The following PNPLA7 variants were observed in gnomAD, a reference collection of about 807,000 sequenced individuals.
PNPLA7 encodes the protein patatin like domain 7, lysophospholipase.
Under a neutral mutation model 161.7 loss-of-function variants are expected in PNPLA7, and 153 were observed. The ratio of observed to expected loss-of-function variants is 0.95; its 90% CI spans 0.83 to 1.08. PNPLA7 has a LOEUF of 1.08. Among genes scored for constraint, PNPLA7 ranks in the 50% least tolerant of loss-of-function variants. The pLI is 0.00. For synonymous variants in PNPLA7, 809 were observed against 782.1 expected (o/e 1.03, Z -0.57); for missense variants, 1,739 against 1,856.6 (o/e 0.94, Z 1.16).
chr9:137,523,238 G>A lies in PNPLA7; in HGVS notation c.748-381C>T, dbSNP rs2132498989. On this transcript the variant is annotated intron_variant, in intron 8 of 34. Transcript: ENST00000406427. The surrounding 1 kb of genome is among the most constrained non-coding windows in gnomAD (Gnocchi z 4.4). The stretch of plus-strand genomic sequence containing the variant: ...CAGCGTCGGTACCCCTCGCCAAAGG[G>A]CGTGCCAGACACCAACCTGAGCGGG... 6.6e-6 allele frequency among the ~76,000 whole-genome samples: 1 copy of A among 152,258 alleles called. No homozygotes were observed. Among genetic ancestry groups the A allele is most frequent in the East Asian group, 1.9e-4 (1 of 5,172 alleles).
At position 137,504,212 on chromosome 9, in the gene PNPLA7, AT is replaced by A. The variant is rs909121407; in HGVS notation, c.1473+1401del. Among the ~76,000 whole-genome samples, 73 of 145,646 alleles carry A rather than the reference AT, an allele frequency of 5.0e-4. 1 individual carries two copies. Among genetic ancestry groups the A allele is most frequent in the East Asian group, 1.4e-3 (7 of 4,970 alleles). Reference sequence around the variant, plus strand: ...AAGAAGAAGAGGAAGAAGAAGAGAGATTTTTTTTTTTCCTTTGGGACAGAGT... The same window carrying A: ...AAGAAGAAGAGGAAGAAGAAGAGAGATTTTTTTTTTCCTTTGGGACAGAGT... On this transcript the variant is annotated intron_variant, in intron 14 of 34. Transcript: ENST00000406427.
intron 8 of PNPLA7, among the ~76,000 whole-genome samples, chr9:137,533,477 G>A (rs535603845): frequency 3.3e-4 from 48 of 145,774 alleles, no homozygotes; most frequent in African/African-American, 1.2e-3. Flanking sequence ...CCACAACAGT[G>A]TACACTCCAG....
intron 3 of PNPLA7, 86 bp from the exon 4 acceptor site, chr9:137,546,995 C>T (rs2132664174): frequency 1.5e-6 from 2 of 1,290,688 alleles, no homozygotes; most frequent in African/African-American, 1.5e-5. Flanking sequence ...GTCAGTCATA[C>T]TCTCGTCCCT....
At chr9:137,505,782 G>A (rs911100585) in intron 13 of PNPLA7, 22 bp from the exon 14 acceptor site, 5 of 1,612,204 alleles carry the variant, frequency 3.1e-6, no homozygotes, top group Middle Eastern at 1.6e-4. Context: ...CGGAGATACC[G>A]GCAATTCGAA....
At position 137,493,214 on chromosome 9, in the gene PNPLA7, C is replaced by G. The variant is rs1832865804; in HGVS notation, c.2128-132G>C. 3 of 912,422 alleles carry G rather than the reference C, an allele frequency of 3.3e-6. No individual in the cohort carries two copies. The African/African-American group carries it at 4.9e-5, about 15-fold the overall frequency. 56.5% of individuals were successfully genotyped at this position (912,422 alleles called of 1,614,324 possible). A position where few individuals can be genotyped will look rare whatever the true frequency, so the allele number is the denominator to read the frequency against. On this transcript the variant is annotated intron_variant, in intron 19 of 34. Coordinates refer to ENST00000406427, the MANE Select transcript of PNPLA7 (RefSeq NM_001098537.3). The stretch of plus-strand genomic sequence containing the variant: ...ATCTGCTTTTCAAAACCTCCATGAA[C>G]TGAGTTGCACATGACTCACAAGCCA...
In PNPLA7 at chr9:137,540,663, GA is replaced by G. The variant is rs758895773; in HGVS notation, c.725del (p.Leu242ProfsTer47). ...VLAGDSVHSLLSILDIITGHA... is the reference protein window; with the variant it reads ...VLAGDSVHSLXSILDIITGHA... ...TCACGGTGATGATGTCCAGGATGCT[GA>G]GCAGGCTGTGGACGCTGTCTCCCGC... On this transcript the variant is annotated frameshift_variant, in exon 8 of 35. Coordinates refer to ENST00000406427, the MANE Select transcript of PNPLA7 (RefSeq NM_001098537.3). LOFTEE classifies it high-confidence loss of function. The surrounding 1 kb of genome is among the most constrained non-coding windows in gnomAD (Gnocchi z 5.1). The G allele has an allele frequency of 6.2e-7, 1 of 1,612,098 alleles. No homozygotes were observed. Among genetic ancestry groups the G allele is most frequent in the Non-Finnish European group, 8.5e-7 (1 of 1,179,460 alleles).
chr9:137,490,648 CCTT>C lies in PNPLA7; in HGVS notation c.2197+2362_2197+2364del, dbSNP rs1467554653. 6.6e-6 allele frequency among the ~76,000 whole-genome samples: 1 copy of C among 152,192 alleles called. No individual in the cohort carries two copies. Among genetic ancestry groups the C allele is most frequent in the Non-Finnish European group, 1.5e-5 (1 of 68,040 alleles). On this transcript the variant is annotated intron_variant, in intron 20 of 34. Coordinates refer to ENST00000406427, the MANE Select transcript of PNPLA7 (RefSeq NM_001098537.3). This position sits in a 1 kb window ranked among gnomAD's most constrained non-coding sequence, Gnocchi z 4.1. ...AGCAAGCGGATCTGCAGCCATCAGA[CCTT>C]CTCTGAAAGAACCGCTAACCACAAT...
At position 137,522,295 on chromosome 9, in the gene PNPLA7, C is replaced by T. The variant is rs578000830; in HGVS notation, c.876+434G>A. Reference sequence around the variant, plus strand: ...TTCACCGTGTGAGCCAGGATGGTCTCGATCTCCTGACCTCGTGATCCGCCC... The same window carrying T: ...TTCACCGTGTGAGCCAGGATGGTCTTGATCTCCTGACCTCGTGATCCGCCC... On this transcript the variant is annotated intron_variant, in intron 9 of 34. Coordinates refer to ENST00000406427, the MANE Select transcript of PNPLA7 (RefSeq NM_001098537.3). Among the ~76,000 whole-genome samples, 205 of 150,016 alleles carry T rather than the reference C, an allele frequency of 1.4e-3. 1 individual carries two copies. The highest frequency in any genetic ancestry group is 3.4e-3 in the Middle Eastern group (1 of 294).
rs779027037 is a variant in PNPLA7 at position 137,543,499 on chromosome 9, G to A, written c.439C>T (p.Leu147Phe). Residue 147 changes from leucine (L) to phenylalanine (F), a missense_variant, in exon 6 of 35, where the codon CTC becomes TTC. Around this residue, in one of 6 missense-constraint regions of PNPLA7, gnomAD observed 209 missense variants for 252.8 expected, o/e 0.83. Coordinates refer to ENST00000406427, the MANE Select transcript of PNPLA7 (RefSeq NM_001098537.3). The surrounding 1 kb of genome is among the most constrained non-coding windows in gnomAD (Gnocchi z 6.9). ...GAATTCTTCACGTCAAACTCCGTGA[G>A]GTCGGCCTCCAGCAGGGAGGGCGGG... The part of the protein sequence containing the change: ...EPPPSLLEAD[L>F]TEFDVKNSHL... 6.2e-7 allele frequency: 1 copy of A among 1,613,996 alleles called. No homozygotes were observed.
chr9:137,518,511 CCCCCGT>C (rs1834776610), intron 11 of PNPLA7, among the ~76,000 whole-genome samples: 1 of 72,504 alleles, frequency 1.4e-5, no homozygotes, highest in Non-Finnish European at 2.9e-5. Flanking sequence ...TCCACTCCAT[CCCCCGT>C]CACTCACTCC....
Position 137,550,341 on chromosome 9 carries a change from T to C in PNPLA7, c.-144A>G, listed in dbSNP as rs1317622980. 1 of 904,776 alleles carries C rather than the reference T, an allele frequency of 1.1e-6. No individual in the cohort carries two copies. The highest frequency in any genetic ancestry group is 1.7e-5 in the African/African-American group (1 of 60,192). The allele number at this position is 904,776 out of a possible 1,614,324, so 56.0% of individuals were successfully genotyped here. ...AAATTATGTTTCACTGAAAGGAAAA[T>C]CCTGCTGAAAAAGTCTGTTCTCCAG... On this transcript the variant is annotated 5_prime_UTR_variant, in exon 1 of 35. Transcript: ENST00000406427.
Position 137,540,129 on chromosome 9 carries a change from C to G in PNPLA7, c.747+513G>C, listed in dbSNP as rs150944831. On this transcript the variant is annotated intron_variant, in intron 8 of 34. Coordinates refer to ENST00000406427, the MANE Select transcript of PNPLA7 (RefSeq NM_001098537.3). This position sits in a 1 kb window ranked among gnomAD's most constrained non-coding sequence, Gnocchi z 5.1. The stretch of plus-strand genomic sequence containing the variant: ...ACAAGTCTGCATCCCTGGGACCCTG[C>G]AAGTCCACCCTAGGATTTATCCTGC... Among the ~76,000 whole-genome samples, 351 of 152,314 alleles carry G rather than the reference C, an allele frequency of 2.3e-3. No homozygotes were observed. Among genetic ancestry groups the G allele is most frequent in the African/African-American group, 7.5e-3 (311 of 41,564 alleles).
At chr9:137,471,212 G>T (rs1215210868) in intron 25 of PNPLA7, among the ~76,000 whole-genome samples, 1 of 152,218 alleles carries the variant, frequency 6.6e-6, no homozygotes, top group Non-Finnish European at 1.5e-5. Context: ...AAGAATAAAT[G>T]AATTTAGCAG....
At chr9:137,479,562 C>G in intron 23 of PNPLA7, 1 of 1,070,486 alleles carries the variant, frequency 9.3e-7, no homozygotes, top group South Asian at 4.4e-5. Flanking sequence ...CACAAGGGAG[C>G]ATCACTAGCT....
intron 12 of PNPLA7, 117 bp from the exon 13 acceptor site, chr9:137,506,200 G>T: frequency 1.3e-6 from 1 of 772,816 alleles, no homozygotes; most frequent in Non-Finnish European, 2.1e-6. Flanking sequence ...GCTCCCTCGA[G>T]GGAGTCGGGC....
At chr9:137,504,556 G>A (rs1393602487) in intron 14 of PNPLA7, among the ~76,000 whole-genome samples, 2 of 152,164 alleles carry the variant, frequency 1.3e-5, no homozygotes, top group Non-Finnish European at 2.9e-5. Flanking sequence ...GCAGTGTATG[G>A]CCCTTACTCA....
chr9:137,539,363 C>CA (rs1042741598), intron 8 of PNPLA7, among the ~76,000 whole-genome samples: 3 of 151,868 alleles, frequency 2.0e-5, no homozygotes, highest in African/African-American at 7.3e-5. Context: ...AACAAACAAA[C>CA]AAAAAACAAA....
chr9:137,500,579 C>T lies in PNPLA7; in HGVS notation c.1757+112G>A, dbSNP rs1460161088. ...GGTGCCGGGGACAAAGAGGGGAGCCCGAGAAGCAGGGAAGAGGGTGAGAGC... is the reference window on the plus strand; with the variant it reads ...GGTGCCGGGGACAAAGAGGGGAGCCTGAGAAGCAGGGAAGAGGGTGAGAGC... On this transcript the variant is annotated intron_variant, in intron 16 of 34. Coordinates refer to ENST00000406427, the MANE Select transcript of PNPLA7 (RefSeq NM_001098537.3). The surrounding 1 kb of genome is among the most constrained non-coding windows in gnomAD (Gnocchi z 5.5). The T allele has an allele frequency of 2.2e-5, 23 of 1,025,322 alleles. No homozygotes were observed. The highest frequency in any genetic ancestry group is 2.5e-5 in the East Asian group (1 of 39,220). 63.5% of individuals were successfully genotyped at this position (1,025,322 alleles called of 1,614,324 possible). A position where few individuals can be genotyped will look rare whatever the true frequency, so the allele number is the denominator to read the frequency against.
At chr9:137,462,074 G>A in intron 31 of PNPLA7, 33 bp from the exon 32 acceptor site, 1 of 1,539,996 alleles carries the variant, frequency 6.5e-7, no homozygotes, top group Non-Finnish European at 8.8e-7. Context: ...GTCAGGAGGT[G>A]TGGGGAGCCC....
Sources: allele counts gnomAD v4.1 joint callset (sites outside exome capture counted in the v4.1 genomes callset), GRCh38; gene constraint gnomAD v4.1.1; regional missense constraint gnomAD v4.1.1; non-coding constraint Gnocchi (gnomAD v3.1); transcripts MANE v1.5; gene names NCBI Gene and HGNC (gene_info 2026-07-23, HGNC 2026-07-21).